KLHL28: variants seen among roughly 807,000 people sequenced by gnomAD.
KLHL28 encodes the protein kelch-like protein 28.
A neutral mutation model predicts 48.3 loss-of-function variants in KLHL28; 22 were observed. The observed-to-expected ratio is 0.46, with a 90% CI of 0.33 to 0.65. The LOEUF (loss-of-function observed/expected upper bound fraction) is 0.65, where lower values mean the gene tolerates loss of function less well. Among genes scored for constraint, KLHL28 ranks in the 30% least tolerant of loss-of-function variants. The probability of loss-of-function intolerance (pLI) is 0.03; values close to 1 mark genes in which losing one functional copy is unlikely to be tolerated. For missense variants in KLHL28, 527 were observed against 704.3 expected (o/e 0.75, Z 2.85); for synonymous variants, 243 against 242.4 (o/e 1.00, Z -0.02).
chr14:44,938,660 G>A (rs949550950), intron 2 of KLHL28, among the ~76,000 whole-genome samples: 3 of 152,082 alleles, frequency 2.0e-5, no homozygotes, highest in Non-Finnish European at 1.5e-5. Flanking sequence ...GTGAGCCACC[G>A]CGCCCGGCCG....
At chr14:44,935,553 CACAA>C (rs1363763319) in intron 2 of KLHL28, among the ~76,000 whole-genome samples, 1 of 151,918 alleles carries the variant, frequency 6.6e-6, no homozygotes, top group Non-Finnish European at 1.5e-5. Context: ...AGATGAATTT[CACAA>C]ACATTGTTCA....
At chr14:44,931,209 C>CTT (rs544684169) in intron 4 of KLHL28, 124 bp downstream of exon 4, 1,569 of 474,666 alleles carry the variant, frequency 3.3e-3, no homozygotes, top group East Asian at 5.5e-3. Context: ...ACATACAAGT[C>CTT]TTTTTTTTTT....
At chr14:44,935,906 T>TATATATATATATATATATATATATA in intron 2 of KLHL28, among the ~76,000 whole-genome samples, 75 of 13,836 alleles carry the variant, frequency 5.4e-3, no homozygotes, top group Non-Finnish European at 0.011. Flanking sequence ...ATATATATCT[T>TATATATATATATATATATATATATA]TACCCTCCCC....
In KLHL28 at chr14:44,927,755, T is replaced by C. The variant is rs958296340; in HGVS notation, c.*1273A>G. The stretch of plus-strand genomic sequence containing the variant: ...AGTTTTCCTCAATAACCTTAAAATA[T>C]TCAGTTACCTAAGAAATGTACAAAG... On this transcript the variant is annotated 3_prime_UTR_variant, in exon 5 of 5. Transcript: ENST00000396128. 4 of 152,624 alleles carry C rather than the reference T, an allele frequency of 2.6e-5. No individual in the cohort carries two copies. Among genetic ancestry groups the C allele is most frequent in the African/African-American group, 9.6e-5 (4 of 41,460 alleles). The allele number at this position is 152,624 out of a possible 1,614,324, so 9.5% of individuals were successfully genotyped here.
At chr14:44,959,762 C>G (rs1322619117) in intron 1 of KLHL28, among the ~76,000 whole-genome samples, 1 of 152,118 alleles carries the variant, frequency 6.6e-6, no homozygotes, top group Non-Finnish European at 1.5e-5. Flanking sequence ...TCCTTAACCA[C>G]TTCCTTTTAA....
At chr14:44,934,918 T>C (rs1312847094) in intron 2 of KLHL28, among the ~76,000 whole-genome samples, 1 of 152,188 alleles carries the variant, frequency 6.6e-6, no homozygotes, top group Non-Finnish European at 1.5e-5. Flanking sequence ...ACACAAATGT[T>C]CACAGAAGCA....
chr14:44,950,586 G>A (rs780239717), intron 1 of KLHL28, among the ~76,000 whole-genome samples: 15 of 152,100 alleles, frequency 9.9e-5, no homozygotes, highest in African/African-American at 3.6e-4. Context: ...ATATTTGTAT[G>A]ATATGCAGTA....
intron 2 of KLHL28, among the ~76,000 whole-genome samples, chr14:44,942,371 C>T (rs1270137273): frequency 6.6e-6 from 1 of 152,138 alleles, no homozygotes; most frequent in Non-Finnish European, 1.5e-5. Flanking sequence ...AGGATCTCAT[C>T]ATCTCTTGCC....
intron 2 of KLHL28, among the ~76,000 whole-genome samples, chr14:44,942,662 C>T (rs1469242374): frequency 6.6e-6 from 1 of 152,052 alleles, no homozygotes; most frequent in Non-Finnish European, 1.5e-5. Flanking sequence ...CTGAATATCC[C>T]ATAATGTATC....
At chr14:44,939,712 T>G (rs1295374636) in intron 2 of KLHL28, among the ~76,000 whole-genome samples, 1 of 152,156 alleles carries the variant, frequency 6.6e-6, no homozygotes, top group Non-Finnish European at 1.5e-5. Flanking sequence ...TCTATCAACA[T>G]TCTGATCATG....
rs137971160 is a variant in KLHL28 at position 44,939,813 on chromosome 14, C to T, written c.899+5217G>A. On this transcript the variant is annotated intron_variant, in intron 2 of 4. Transcript: ENST00000396128. ...AGAATCACCCTTAACATTCTATTCA[C>T]GGCAATCTAGGCTTCTTCCAGACTC... is the stretch of plus-strand genomic sequence containing the variant. Among the ~76,000 whole-genome samples the T allele has an allele frequency of 5.2e-3, 795 of 152,268 alleles. 12 individuals are homozygous for T. Among genetic ancestry groups the T allele is most frequent in the African/African-American group, 0.017 (720 of 41,558 alleles).
rs138861593 is a variant in KLHL28, at chr14:44,945,755, C to T, written c.174G>A (p.Pro58=). ...TTCCAGTGAACATAGCTTTGAAATA[C>T]GGGCTGACGCTGGCAAGTACCACTT... ...AHKVVLASVS[P]YFKAMFTGNL... Residue 58 remains proline (P), a synonymous_variant, in exon 2 of 5, where the codon CCG becomes CCA. Coordinates refer to ENST00000396128, the MANE Select transcript of KLHL28 (RefSeq NM_017658.5). 43 of 1,614,146 alleles carry T rather than the reference C, an allele frequency of 2.7e-5. No homozygotes were observed. The highest frequency in any genetic ancestry group is 5.3e-5 in the African/African-American group (4 of 75,024).
At chr14:44,937,550 T>C (rs147541463) in intron 2 of KLHL28, among the ~76,000 whole-genome samples, 2 of 152,310 alleles carry the variant, frequency 1.3e-5, no homozygotes, top group East Asian at 1.9e-4. Flanking sequence ...GTTATGATGA[T>C]GGATTATCTG....
At position 44,931,553 on chromosome 14, in the gene KLHL28, T is replaced by TA. The variant is rs752033792; in HGVS notation, c.1344-13dup. ...CATAACGCTCCACACTGCAAATATT[T>TA]AAAAAAAATTTAATTTACAGATCTT... On this transcript the variant is annotated splice_polypyrimidine_tract_variant and intron_variant, in intron 3 of 4. Coordinates refer to ENST00000396128, the MANE Select transcript of KLHL28 (RefSeq NM_017658.5). The TA allele has an allele frequency of 2.3e-5, 37 of 1,590,620 alleles. No individual in the cohort carries two copies. Among genetic ancestry groups the TA allele is most frequent in the South Asian group, 3.4e-5 (3 of 88,410 alleles).
At chr14:44,952,763 TACCCATA>T (rs1428095738) in intron 1 of KLHL28, among the ~76,000 whole-genome samples, 1 of 152,204 alleles carries the variant, frequency 6.6e-6, no homozygotes, top group Non-Finnish European at 1.5e-5. Context: ...CTCAGCTATC[TACCCATA>T]AATGGCTAAA....
rs531301725 is a variant in KLHL28, at chr14:44,942,296, C to G, written c.899+2734G>C. Among the ~76,000 whole-genome samples the G allele has an allele frequency of 2.0e-5, 3 of 150,566 alleles. No homozygotes were observed. In the Admixed American group the frequency reaches 2.0e-4, roughly 10 times the overall value. ...TCAAACACCAAATCCTGTCAATTTA[C>G]TCTGTTAAAACATTTTTTAAAATGA... On this transcript the variant is annotated intron_variant, in intron 2 of 4. Transcript: ENST00000396128.
In KLHL28 at chr14:44,945,487, C is replaced by G. The variant is rs1304974307; in HGVS notation, c.442G>C (p.Gly148Arg). ...IGISRFAETY[G>R]CRDLYLAATK... Reference sequence around the variant, plus strand: ...GCTGCCAAATAAAGGTCACGGCAACCATATGTTTCTGCAAAACGAGAAATT... The same window carrying G: ...GCTGCCAAATAAAGGTCACGGCAACGATATGTTTCTGCAAAACGAGAAATT... Residue 148 changes from glycine to arginine, a missense_variant, in exon 2 of 5, where the codon GGT becomes CGT. Coordinates refer to ENST00000396128, the MANE Select transcript of KLHL28 (RefSeq NM_017658.5). 3.7e-6 allele frequency: 6 copies of G among 1,614,014 alleles called. No homozygotes were observed. Among genetic ancestry groups the G allele is most frequent in the Non-Finnish European group, 4.2e-6 (5 of 1,180,032 alleles).
At chr14:44,955,294 C>T (rs539244155) in intron 1 of KLHL28, among the ~76,000 whole-genome samples, 49 of 151,424 alleles carry the variant, frequency 3.2e-4, no homozygotes, top group African/African-American at 1.1e-3. Context: ...ATTAAATATA[C>T]GTAATATTAT....
chr14:44,945,512 T>G lies in KLHL28; in HGVS notation c.417A>C (p.Gly139=). The G allele has an allele frequency of 6.2e-7, 1 of 1,614,140 alleles. No homozygotes were observed. The highest frequency in any genetic ancestry group is 1.1e-5 in the South Asian group (1 of 91,076). ...ESQLDPGNCI[G]ISRFAETYGC... ...CATATGTTTCTGCAAAACGAGAAAT[T>G]CCAATACAATTACCAGGATCAAGTT... Residue 139 remains glycine (G), a synonymous_variant, in exon 2 of 5, where the codon GGA becomes GGC. Coordinates refer to ENST00000396128, the MANE Select transcript of KLHL28 (RefSeq NM_017658.5).
Sources: allele counts gnomAD v4.1 joint callset (sites outside exome capture counted in the v4.1 genomes callset), GRCh38; gene constraint gnomAD v4.1.1; transcripts MANE v1.5; gene names NCBI Gene and HGNC (gene_info 2026-07-23, HGNC 2026-07-21).